Variants in ADGB observed in about 807,000 individuals in gnomAD.
ADGB encodes the protein calpain-7-like protein.
Under a neutral mutation model 210.5 loss-of-function variants are expected in ADGB, and 172 were observed. The ratio of observed to expected loss-of-function variants is 0.82; its 90% CI spans 0.72 to 0.93. The LOEUF is 0.93. Ranked by LOEUF, ADGB falls within the 40% of genes least tolerant of loss-of-function variation. ADGB has a pLI of 0.00. For missense variants in ADGB, 2,025 were observed against 1,964.8 expected (o/e 1.03, Z -0.58); for synonymous variants, 658 against 662.7 (o/e 0.99, Z 0.11).
intron 6 of ADGB, among the ~76,000 whole-genome samples, chr6:146,665,293 A>C (rs1000525790): frequency 7.2e-5 from 11 of 152,026 alleles, no homozygotes. Context: ...CAAGGCTACA[A>C]AACAAAAACA....
chr6:146,609,446 T>C (rs189799455), intron 1 of ADGB, among the ~76,000 whole-genome samples: 3 of 152,324 alleles, frequency 2.0e-5, no homozygotes, highest in South Asian at 2.1e-4. Flanking sequence ...CTTGTCTGTG[T>C]AGTTAATTTA....
intron 1 of ADGB, among the ~76,000 whole-genome samples, chr6:146,611,578 G>C (rs931664965): frequency 7.2e-5 from 11 of 152,146 alleles, no homozygotes; most frequent in African/African-American, 2.7e-4. Context: ...GCTTCCCCCA[G>C]TAGCTGCTCA....
chr6:146,654,310 A>C, intron 4 of ADGB, 104 bp downstream of exon 4: 1 of 595,810 alleles, frequency 1.7e-6, no homozygotes. Flanking sequence ...CTCACCTTTA[A>C]GTTTTGGTAT....
At chr6:146,694,208 G>A (rs576275197) in intron 12 of ADGB, among the ~76,000 whole-genome samples, 7 of 152,274 alleles carry the variant, frequency 4.6e-5, no homozygotes, top group African/African-American at 1.4e-4. Flanking sequence ...GTCTTAGCCT[G>A]TTTGGGCTGC....
chr6:146,622,119 G>C lies in ADGB; in HGVS notation c.75-13256G>C, dbSNP rs563068341. Among the ~76,000 whole-genome samples the C allele has an allele frequency of 8.6e-5, 13 of 152,020 alleles. No individual in the cohort carries two copies. In the East Asian group the frequency reaches 2.5e-3, roughly 29 times the overall value. On this transcript the variant is annotated intron_variant, in intron 1 of 35. Transcript: ENST00000397944. ...ACAGTAGCTAATTTTGGTTTATTTT[G>C]AATTTCCCTAATGACTACTGATGTT...
chr6:146,674,445 C>G (rs985099250), intron 8 of ADGB, among the ~76,000 whole-genome samples: 1 of 152,018 alleles, frequency 6.6e-6, no homozygotes, highest in Non-Finnish European at 1.5e-5. Flanking sequence ...AGTTCCACAC[C>G]CCAGCTATAA....
At chr6:146,718,451 GCCCATTCTT>G (rs1776768165) in intron 16 of ADGB, among the ~76,000 whole-genome samples, 1 of 150,152 alleles carries the variant, frequency 6.7e-6, no homozygotes, top group Non-Finnish European at 1.5e-5. Flanking sequence ...GCTTCCCTGT[GCCCATTCTT>G]CCCCCTACTT....
chr6:146,737,301 T>C (rs1426450640), intron 23 of ADGB, among the ~76,000 whole-genome samples: 2 of 152,154 alleles, frequency 1.3e-5, no homozygotes, highest in East Asian at 1.9e-4. Context: ...TAGGAACTCA[T>C]TGATGAATTT....
Position 146,685,787 on chromosome 6 carries a change from C to T in ADGB, c.1270C>T (p.Leu424Phe). ...GGTCGTATATGCGACATTTACACCT[C>T]TTTATTTGTTTGAAAACAAGATCTT... ...HMVVYATFTP[L>F]YLFENKIFSL... The change falls in exon 10 of 36, where the codon CTT (leucine) becomes TTT (phenylalanine). Residue 424 changes from leucine (L) to phenylalanine (F), a missense_variant. Physicochemically the swap from Leu to Phe is conservative, Grantham distance 22 (BLOSUM62 0). Coordinates refer to ENST00000397944, the MANE Select transcript of ADGB (RefSeq NM_024694.4). 1.3e-6 allele frequency: 2 copies of T among 1,541,476 alleles called. No homozygotes were observed. Among genetic ancestry groups the T allele is most frequent in the Non-Finnish European group, 8.8e-7 (1 of 1,142,590 alleles).
chr6:146,774,549 T>A (rs1158603727), intron 29 of ADGB, among the ~76,000 whole-genome samples: 2 of 152,176 alleles, frequency 1.3e-5, no homozygotes, highest in African/African-American at 4.8e-5. Flanking sequence ...AGTAGGAAAA[T>A]TTTCTGTTTG....
At chr6:146,708,143 A>G (rs529935112) in intron 13 of ADGB, among the ~76,000 whole-genome samples, 139 of 152,070 alleles carry the variant, frequency 9.1e-4, no homozygotes, top group African/African-American at 3.1e-3. Flanking sequence ...ACAATTTACA[A>G]TCTCTTATAT....
In ADGB at chr6:146,815,090, A is replaced by C; in HGVS notation, c.4877A>C (p.Lys1626Thr). 1 of 1,549,016 alleles carries C rather than the reference A, an allele frequency of 6.5e-7. No homozygotes were observed. Among genetic ancestry groups the C allele is most frequent in the East Asian group, 2.5e-5 (1 of 40,700 alleles). Residue 1626 changes from lysine (K) to threonine (T), a missense_variant, in exon 36 of 36, where the codon AAA becomes ACA. Physicochemically the swap from Lys to Thr is moderately conservative, Grantham distance 78. Transcript: ENST00000397944. ...GACATCCGGGAAGAGTACAGAAACA[A>C]ATTGCTGGAAGCTGAGCACCTAAAG... ...IFDIREEYRNKLLEAEHLKLE... is the reference protein window; with the variant it reads ...IFDIREEYRNTLLEAEHLKLE...
chr6:146,808,201 T>C (rs960231874), intron 35 of ADGB, among the ~76,000 whole-genome samples: 3 of 152,150 alleles, frequency 2.0e-5, no homozygotes, highest in Non-Finnish European at 4.4e-5. Flanking sequence ...GGTTTCACCA[T>C]GTTGGCCAGG....
intron 25 of ADGB, among the ~76,000 whole-genome samples, chr6:146,742,267 TGAAA>T (rs1362156803): frequency 1.3e-5 from 2 of 152,052 alleles, no homozygotes; most frequent in East Asian, 1.9e-4. Context: ...TCTGTTTTCT[TGAAA>T]GATTTTTTAC....
At chr6:146,760,838 C>T (rs1777478756) in intron 27 of ADGB, among the ~76,000 whole-genome samples, 1 of 151,768 alleles carries the variant, frequency 6.6e-6, no homozygotes, top group Non-Finnish European at 1.5e-5. Flanking sequence ...ATTTGCATTT[C>T]CCTTATGACT....
chr6:146,700,591 A>C (rs1207298766), intron 12 of ADGB, among the ~76,000 whole-genome samples: 1 of 151,958 alleles, frequency 6.6e-6, no homozygotes, highest in African/African-American at 2.4e-5. Context: ...TAAATTTCTG[A>C]CTCCTAGTTC....
At chr6:146,716,387 C>T (rs1158967726) in intron 14 of ADGB, among the ~76,000 whole-genome samples, 1 of 127,988 alleles carries the variant, frequency 7.8e-6, no homozygotes, top group Non-Finnish European at 1.5e-5. Context: ...GTCAGGAGAT[C>T]GAGACCATCC....
intron 10 of ADGB, among the ~76,000 whole-genome samples, chr6:146,686,398 A>G (rs1343025858): frequency 6.6e-6 from 1 of 152,132 alleles, no homozygotes; most frequent in Non-Finnish European, 1.5e-5. Context: ...GGTAAGGCAT[A>G]GGCCCTATTA....
intron 27 of ADGB, among the ~76,000 whole-genome samples, chr6:146,759,724 A>G (rs1238265051): frequency 1.3e-5 from 2 of 151,770 alleles, no homozygotes; most frequent in Non-Finnish European, 3.0e-5. Context: ...TTTCTTATAC[A>G]TTGTCCAGTT....
Sources: allele counts gnomAD v4.1 joint callset (sites outside exome capture counted in the v4.1 genomes callset), GRCh38; gene constraint gnomAD v4.1.1; transcripts MANE v1.5; gene names NCBI Gene and HGNC (gene_info 2026-07-23, HGNC 2026-07-21).